BICD1: variants seen among roughly 807,000 people sequenced by gnomAD.
The protein encoded by BICD1 is protein bicaudal D homolog 1.
In BICD1, 35 loss-of-function variants were observed where a neutral mutation model predicts 92.5. That is an observed-to-expected ratio of 0.38 (90% CI 0.29 to 0.50). The LOEUF is 0.50. Ranked by LOEUF, BICD1 falls within the 20% of genes least tolerant of loss-of-function variation. The probability of loss-of-function intolerance (pLI) is 0.93; values close to 1 mark genes in which losing one functional copy is unlikely to be tolerated. For synonymous variants in BICD1, 429 were observed against 465.1 expected, an observed-to-expected ratio of 0.92 and a Z score of 1.00; for missense variants, 950 against 1,189.8, an observed-to-expected ratio of 0.80 and a Z score of 2.97.
At position 32,107,272 on chromosome 12, in the gene BICD1, C is replaced by G. The variant is rs1941506448; in HGVS notation, c.-60C>G. 1 of 1,433,378 alleles carries G rather than the reference C, an allele frequency of 7.0e-7. No individual in the cohort carries two copies. The highest frequency in any genetic ancestry group is 1.3e-5 in the South Asian group (1 of 78,370). The allele number at this position is 1,433,378 out of a possible 1,614,324, so 88.8% of individuals were successfully genotyped here. On this transcript the variant is annotated 5_prime_UTR_variant, in exon 1 of 10. Coordinates refer to ENST00000652176, the MANE Select transcript of BICD1 (RefSeq NM_001714.4). The stretch of plus-strand genomic sequence containing the variant: ...TCCCATTTCCTTCTCCCTTTCCCCG[C>G]CAGCTTCGCATCCATCTCCCCCACC...
At chr12:32,157,326 A>T (rs2121468396) in intron 1 of BICD1, among the ~76,000 whole-genome samples, 1 of 152,332 alleles carries the variant, frequency 6.6e-6, no homozygotes, top group Non-Finnish European at 1.5e-5. Flanking sequence ...TGCAGACGTT[A>T]ATGAAGAATC....
At chr12:32,184,432 G>A (rs1011043899) in intron 1 of BICD1, among the ~76,000 whole-genome samples, 10 of 152,014 alleles carry the variant, frequency 6.6e-5, no homozygotes, top group Admixed American at 5.9e-4. Flanking sequence ...GATTACAGAC[G>A]CATGCCACCA....
At chr12:32,377,518 C>G (rs200645226) in intron 9 of BICD1, 22 bp from the exon 10 acceptor site, 2 of 1,599,352 alleles carry the variant, frequency 1.3e-6, no homozygotes, top group African/African-American at 2.7e-5. Context: ...TTCTTGCTGA[C>G]GTGCTTGTTT....
intron 8 of BICD1, among the ~76,000 whole-genome samples, chr12:32,360,452 C>A (rs909885921): frequency 6.6e-6 from 1 of 152,158 alleles, no homozygotes; most frequent in African/African-American, 2.4e-5. Context: ...TTTGCCTCAT[C>A]CTCGGCAAAT....
rs959587245 is a variant in BICD1, at chr12:32,351,277, G to A, written c.2764+12298G>A. 4.4e-4 allele frequency among the ~76,000 whole-genome samples: 66 copies of A among 151,454 alleles called. 1 individual carries two copies. The Middle Eastern group carries it at 0.01, about 24-fold the overall frequency. ...GAGGTGGGCGGATCGCTTGAGGTCAGGAGTTCAAGAGCAGCCTGGCCAACA... is the reference window on the plus strand; with the variant it reads ...GAGGTGGGCGGATCGCTTGAGGTCAAGAGTTCAAGAGCAGCCTGGCCAACA... On this transcript the variant is annotated intron_variant, in intron 8 of 9. Transcript: ENST00000652176.
chr12:32,223,379 A>T (rs1460579087), intron 2 of BICD1, among the ~76,000 whole-genome samples: 2 of 152,166 alleles, frequency 1.3e-5, no homozygotes, highest in East Asian at 1.9e-4. Context: ...TTAGCTGGGC[A>T]TGGTGGCGAA....
intron 4 of BICD1, among the ~76,000 whole-genome samples, chr12:32,322,544 C>T (rs898264268): frequency 6.6e-6 from 1 of 152,166 alleles, no homozygotes; most frequent in Non-Finnish European, 1.5e-5. Context: ...AATGTTTGCT[C>T]GCCTGCCACT....
At chr12:32,336,094 A>C (rs1938108838) in intron 6 of BICD1, among the ~76,000 whole-genome samples, 1 of 152,244 alleles carries the variant, frequency 6.6e-6, no homozygotes, top group South Asian at 2.1e-4. Context: ...TGGGTGACAG[A>C]GCGAGACTCC....
At chr12:32,259,061 C>G (rs1405376420) in intron 2 of BICD1, among the ~76,000 whole-genome samples, 2 of 152,154 alleles carry the variant, frequency 1.3e-5, no homozygotes, top group African/African-American at 4.8e-5. Flanking sequence ...ACCGCTTGAC[C>G]AGGGAGCCCT....
intron 4 of BICD1, among the ~76,000 whole-genome samples, chr12:32,316,854 A>C (rs1034140668): frequency 3.6e-4 from 53 of 148,400 alleles, no homozygotes; most frequent in Admixed American, 3.2e-3. Context: ...ATCCCTCCCC[A>C]CTCTCCCCAC....
intron 1 of BICD1, among the ~76,000 whole-genome samples, chr12:32,144,406 C>G (rs562838172): frequency 6.6e-6 from 1 of 152,242 alleles, no homozygotes; most frequent in South Asian, 2.1e-4. Flanking sequence ...TAAGATTTTT[C>G]CTTTTCTGCT....
At chr12:32,332,970 A>G (rs1482662388) in intron 5 of BICD1, 1 of 985,284 alleles carries the variant, frequency 1.0e-6, no homozygotes, top group Non-Finnish European at 1.2e-6. Flanking sequence ...ATTCTGGAAA[A>G]ACTTTGCACA....
At chr12:32,108,369 T>A in intron 1 of BICD1, 1 of 272,412 alleles carries the variant, frequency 3.7e-6, no homozygotes, top group Non-Finnish European at 6.9e-6. Context: ...TGGCCTCTTT[T>A]AAAGCCTGTC....
intron 1 of BICD1, among the ~76,000 whole-genome samples, chr12:32,112,281 C>T (rs1363209273): frequency 2.0e-5 from 3 of 152,216 alleles, no homozygotes; most frequent in African/African-American, 7.2e-5. Context: ...GCTGGGATTA[C>T]AGGCGTGAGC....
In BICD1 at chr12:32,107,601, C is replaced by T. The variant is rs1476080782; in HGVS notation, c.213+57C>T. The T allele has an allele frequency of 1.8e-5, 27 of 1,503,820 alleles. No individual in the cohort carries two copies. In the South Asian group the frequency reaches 3.2e-4, roughly 18 times the overall value. 93.2% of individuals were successfully genotyped at this position (1,503,820 alleles called of 1,614,324 possible). On this transcript the variant is annotated intron_variant, in intron 1 of 9. Transcript: ENST00000652176. ...CCCTCACTCCCCCCACCCGCAAGGC[C>T]CACTCATCATGATCAAGAAGTCATA...
intron 8 of BICD1, among the ~76,000 whole-genome samples, chr12:32,362,513 CT>C (rs1939369621): frequency 6.6e-6 from 1 of 152,176 alleles, no homozygotes; most frequent in Non-Finnish European, 1.5e-5. Flanking sequence ...ACAATATTAT[CT>C]TCATTCCTGT....
At chr12:32,264,250 TTAAGTA>T in intron 2 of BICD1, among the ~76,000 whole-genome samples, 1 of 152,350 alleles carries the variant, frequency 6.6e-6, no homozygotes, top group East Asian at 1.9e-4. Context: ...TTATTAGCTC[TTAAGTA>T]TATCTCCTCA....
At chr12:32,125,706 G>T (rs1199478627) in intron 1 of BICD1, among the ~76,000 whole-genome samples, 5 of 152,108 alleles carry the variant, frequency 3.3e-5, no homozygotes, top group Non-Finnish European at 7.4e-5. Flanking sequence ...TGGTAAGGAT[G>T]CTCAGAGGCT....
intron 2 of BICD1, among the ~76,000 whole-genome samples, chr12:32,258,146 T>C (rs1472663412): frequency 1.3e-5 from 2 of 152,216 alleles, no homozygotes; most frequent in Non-Finnish European, 2.9e-5. Flanking sequence ...AGGCCCAATA[T>C]GTGAGGGTTT....
Sources: gnomAD v4.1 joint callset for allele counts (sites outside exome capture counted in the v4.1 genomes callset) on GRCh38, gnomAD v4.1.1 for gene constraint, MANE v1.5 for transcripts, NCBI Gene and HGNC (gene_info 2026-07-23, HGNC 2026-07-21) for gene names.